MAGI1: variants seen among roughly 807,000 people sequenced by gnomAD.
The protein encoded by MAGI1 is membrane associated guanylate kinase, WW and PDZ domain containing 1.
MAGI1 carries 58 observed loss-of-function variants against 139.9 expected under a neutral mutation model. That is an observed-to-expected ratio of 0.41 (90% CI 0.34 to 0.52). The LOEUF (loss-of-function observed/expected upper bound fraction) is 0.52, where lower values mean the gene tolerates loss of function less well. Among genes scored for constraint, MAGI1 ranks in the 20% least tolerant of loss-of-function variants. MAGI1 has a pLI of 0.12. For synonymous variants in MAGI1, 812 were observed against 737.9 expected, an observed-to-expected ratio of 1.10 and a Z score of -1.63; for missense variants, 1,874 against 1,901.6, an observed-to-expected ratio of 0.99 and a Z score of 0.27.
chr3:65,833,205 G>A (rs181357763), intron 1 of MAGI1, among the ~76,000 whole-genome samples: 214 of 151,908 alleles, frequency 1.4e-3, no homozygotes, highest in African/African-American at 4.1e-3. Flanking sequence ...TGCAACCTCC[G>A]TCTCCCGGCT....
intron 1 of MAGI1, among the ~76,000 whole-genome samples, chr3:65,948,201 C>T (rs2063634786): frequency 6.6e-6 from 1 of 152,116 alleles, no homozygotes; most frequent in African/African-American, 2.4e-5. Flanking sequence ...ACCTCAGCCT[C>T]CCAAAGGGCT....
rs560067112 is a variant in MAGI1 at position 65,820,232 on chromosome 3, C to T, written c.314-198144G>A. Reference sequence around the variant, plus strand: ...GTGGCAATTTTTTTCAGCCTTTCAGCTTGCACTGCATAGAATTTACCATTA... The same window carrying T: ...GTGGCAATTTTTTTCAGCCTTTCAGTTTGCACTGCATAGAATTTACCATTA... On this transcript the variant is annotated intron_variant, in intron 1 of 22. Transcript: ENST00000402939. Among the ~76,000 whole-genome samples the T allele has an allele frequency of 9.2e-5, 14 of 152,266 alleles. No homozygotes were observed. In the South Asian group the frequency reaches 2.9e-3, roughly 32 times the overall value.
In MAGI1 at chr3:65,419,532, A is replaced by G. The variant is rs926873451; in HGVS notation, c.2167+9988T>C. Among the ~76,000 whole-genome samples the G allele has an allele frequency of 2.6e-5, 4 of 152,148 alleles. No individual in the cohort carries two copies. In the East Asian group the frequency reaches 5.8e-4, roughly 22 times the overall value. ...CATAAATGCGTATTTTTCCTGACCTAACCTCACAACCACCAAACCCCAGAT... is the reference window on the plus strand; with the variant it reads ...CATAAATGCGTATTTTTCCTGACCTGACCTCACAACCACCAAACCCCAGAT... On this transcript the variant is annotated intron_variant, in intron 12 of 22. Transcript: ENST00000402939.
intron 1 of MAGI1, among the ~76,000 whole-genome samples, chr3:66,000,229 G>T (rs1401510391): frequency 6.6e-6 from 1 of 151,930 alleles, no homozygotes; most frequent in Non-Finnish European, 1.5e-5. Flanking sequence ...GCCCGCCTCG[G>T]CCTCCCAAAG....
At chr3:65,850,256 T>C (rs1468929160) in intron 1 of MAGI1, among the ~76,000 whole-genome samples, 1 of 152,220 alleles carries the variant, frequency 6.6e-6, no homozygotes, top group Non-Finnish European at 1.5e-5. Flanking sequence ...TCTTTTGCAG[T>C]ATACAAACTA....
chr3:65,670,022 T>C (rs542851797), intron 1 of MAGI1, among the ~76,000 whole-genome samples: 4 of 152,330 alleles, frequency 2.6e-5, no homozygotes, highest in South Asian at 4.1e-4. Context: ...CTCTGAGCCA[T>C]TGCCCCCATA....
intron 13 of MAGI1, among the ~76,000 whole-genome samples, chr3:65,397,692 T>G (rs1944502355): frequency 6.6e-6 from 1 of 152,208 alleles, no homozygotes; most frequent in Admixed American, 6.5e-5. Context: ...CAGCACTTAT[T>G]CAATCGTGGG....
chr3:65,406,582 A>G (rs1034413203), intron 12 of MAGI1, among the ~76,000 whole-genome samples: 2 of 152,112 alleles, frequency 1.3e-5, no homozygotes, highest in Non-Finnish European at 2.9e-5. Flanking sequence ...TAGTGGAAAC[A>G]TTTTGCTTTC....
chr3:65,806,173 G>A (rs1469319571), intron 1 of MAGI1, among the ~76,000 whole-genome samples: 2 of 152,068 alleles, frequency 1.3e-5, no homozygotes, highest in Non-Finnish European at 2.9e-5. Context: ...GCTCATGCCT[G>A]TAATCCCAGC....
rs371187502 is a variant in MAGI1 at position 66,026,475 on chromosome 3, T to G, written c.313+11521A>C. Among the ~76,000 whole-genome samples, 4 of 151,966 alleles carry G rather than the reference T, an allele frequency of 2.6e-5. No homozygotes were observed. In the East Asian group the frequency reaches 7.7e-4, roughly 29 times the overall value. Reference sequence around the variant, plus strand: ...AGACAATTTTTTTTTTAATTTTGCCTACTCATTACCCTCAAAAAGAATTCA... The same window carrying G: ...AGACAATTTTTTTTTTAATTTTGCCGACTCATTACCCTCAAAAAGAATTCA... On this transcript the variant is annotated intron_variant, in intron 1 of 22. Transcript: ENST00000402939.
At chr3:65,430,410 T>C (rs963959332) in intron 11 of MAGI1, among the ~76,000 whole-genome samples, 1 of 152,162 alleles carries the variant, frequency 6.6e-6, no homozygotes, top group Admixed American at 6.5e-5. Flanking sequence ...AATCCAAGTT[T>C]AGAATTCATT....
intron 1 of MAGI1, among the ~76,000 whole-genome samples, chr3:65,803,950 T>G (rs766178982): frequency 2.0e-5 from 3 of 152,180 alleles, no homozygotes; most frequent in African/African-American, 7.2e-5. Flanking sequence ...TCAACAAAAA[T>G]TGTAACCAAG....
chr3:65,919,005 C>G (rs1179640627), intron 1 of MAGI1, among the ~76,000 whole-genome samples: 2 of 151,934 alleles, frequency 1.3e-5, no homozygotes, highest in Non-Finnish European at 2.9e-5. Context: ...CCAAATTATT[C>G]TGGGAAACAA....
intron 3 of MAGI1, among the ~76,000 whole-genome samples, chr3:65,486,155 CA>C (rs1289007868): frequency 1.3e-5 from 2 of 152,190 alleles, no homozygotes; most frequent in Non-Finnish European, 2.9e-5. Context: ...ATACCATTGG[CA>C]GCTGCCTTTT....
At chr3:65,659,258 C>G (rs1176052396) in intron 1 of MAGI1, among the ~76,000 whole-genome samples, 1 of 151,976 alleles carries the variant, frequency 6.6e-6, no homozygotes, top group Non-Finnish European at 1.5e-5. Flanking sequence ...ACAGGGTGAT[C>G]ACAGGAGAAT....
At chr3:65,442,150 A>G (rs1440986467) in intron 8 of MAGI1, among the ~76,000 whole-genome samples, 1 of 149,006 alleles carries the variant, frequency 6.7e-6, no homozygotes, top group African/African-American at 2.5e-5. Flanking sequence ...AACAGTTTTG[A>G]TGAAAGGAAA....
intron 1 of MAGI1, among the ~76,000 whole-genome samples, chr3:65,921,565 C>T (rs1426405673): frequency 2.0e-5 from 3 of 152,102 alleles, no homozygotes; most frequent in African/African-American, 7.2e-5. Context: ...CCACCTCAGC[C>T]TCCCAAAGTA....
intron 5 of MAGI1, among the ~76,000 whole-genome samples, chr3:65,455,585 A>G (rs1315031771): frequency 6.6e-6 from 1 of 151,924 alleles, no homozygotes; most frequent in East Asian, 1.9e-4. Context: ...GTGGTGGCAC[A>G]CACTAGCCAG....
chr3:65,381,202 T>G (rs1475347435), intron 16 of MAGI1, among the ~76,000 whole-genome samples: 1 of 152,158 alleles, frequency 6.6e-6, no homozygotes, highest in Non-Finnish European at 1.5e-5. Flanking sequence ...CAGATTCTGA[T>G]ACAGCAGTAA....
Sources: gnomAD v4.1 joint callset for allele counts (sites outside exome capture counted in the v4.1 genomes callset) on GRCh38, gnomAD v4.1.1 for gene constraint, MANE v1.5 for transcripts, NCBI Gene and HGNC (gene_info 2026-07-23, HGNC 2026-07-21) for gene names.